BRF1: variants seen among roughly 807,000 people sequenced by gnomAD.
BRF1 encodes transcription factor IIIB 90 kDa subunit.
Under a neutral mutation model 81.7 loss-of-function variants are expected in BRF1, and 59 were observed. That is an observed-to-expected ratio of 0.72 (90% CI 0.59 to 0.90). The LOEUF is 0.90. Among genes scored for constraint, BRF1 ranks in the 40% least tolerant of loss-of-function variants. BRF1 has a pLI of 0.00. For synonymous variants in BRF1, 491 were observed against 395.6 expected, an observed-to-expected ratio of 1.24 and a Z score of -2.86; for missense variants, 1,050 against 936.3, an observed-to-expected ratio of 1.12 and a Z score of -1.58.
At chr14:105,300,302 C>T in intron 1 of BRF1, 144 bp downstream of exon 1, 2 of 935,418 alleles carry the variant, frequency 2.1e-6, no homozygotes, top group East Asian at 3.2e-5. Flanking sequence ...CAAGGGGATC[C>T]ACACTCGCGC....
In BRF1 at chr14:105,249,544, G is replaced by A. The variant is rs181120393; in HGVS notation, c.544+2963C>T. 235 of 1,597,580 alleles carry A rather than the reference G, an allele frequency of 1.5e-4. No individual in the cohort carries two copies. In the African/African-American group the frequency reaches 2.6e-3, roughly 18 times the overall value. On this transcript the variant is annotated intron_variant, in intron 5 of 17. Transcript: ENST00000547530. ...TAGGCGGCCTCCGGAGGCTTCTGAAGGGAAGCACACAGGAGCTGATGGACT... is the reference window on the plus strand; with the variant it reads ...TAGGCGGCCTCCGGAGGCTTCTGAAAGGAAGCACACAGGAGCTGATGGACT...
chr14:105,258,786 G>A (rs907853678), intron 3 of BRF1, among the ~76,000 whole-genome samples: 5 of 151,928 alleles, frequency 3.3e-5, no homozygotes, highest in East Asian at 1.9e-4. Context: ...GCAACAGAGC[G>A]AGACTCAGTC....
intron 5 of BRF1, chr14:105,248,290 A>C (rs1195717847): frequency 5.3e-5 from 52 of 985,324 alleles, no homozygotes; most frequent in Non-Finnish European, 6.1e-5. Context: ...TGGCCAAACA[A>C]GCAGGTCCAC....
chr14:105,299,761 G>A (rs2057904661), intron 1 of BRF1, among the ~76,000 whole-genome samples: 1 of 152,236 alleles, frequency 6.6e-6, no homozygotes. Flanking sequence ...AAGTGCTGGT[G>A]AAGATGTGGG....
intron 16 of BRF1, 56 bp downstream of exon 16, chr14:105,212,057 G>A (rs775707572): frequency 6.3e-7 from 1 of 1,596,222 alleles, no homozygotes; most frequent in South Asian, 1.1e-5. Context: ...CTGGGCCCAG[G>A]AAGAAGTGGG....
chr14:105,270,042 C>T (rs76863138), intron 3 of BRF1, among the ~76,000 whole-genome samples: 36,281 of 152,100 alleles, frequency 0.24, 4,634 homozygotes, highest in South Asian at 0.28. Context: ...CGGGCAGGGA[C>T]GCGGGCGTGG....
chr14:105,253,874 G>A (rs11848434), intron 4 of BRF1, among the ~76,000 whole-genome samples: 2,321 of 152,316 alleles, frequency 0.015, 57 homozygotes, highest in African/African-American at 0.053. Context: ...TCACCAAACT[G>A]GGGGGCGTGT....
At chr14:105,261,426 C>T (rs897335016) in intron 3 of BRF1, among the ~76,000 whole-genome samples, 27 of 152,172 alleles carry the variant, frequency 1.8e-4, no homozygotes, top group African/African-American at 6.3e-4. Context: ...GCTTCCCCAC[C>T]ACAGCTGTGG....
chr14:105,217,416 G>T (rs1160812976), intron 15 of BRF1, 128 bp downstream of exon 15: 17 of 1,425,590 alleles, frequency 1.2e-5, no homozygotes, highest in Non-Finnish European at 1.6e-5. Flanking sequence ...CAGCATGCAG[G>T]TGGCAAATGC....
chr14:105,298,897 G>A (rs969782184), intron 1 of BRF1, among the ~76,000 whole-genome samples: 2 of 148,898 alleles, frequency 1.3e-5, no homozygotes, highest in Non-Finnish European at 3.0e-5. Flanking sequence ...GAGGCCGTGC[G>A]CAGTGGCTCA....
intron 5 of BRF1, chr14:105,248,604 G>GC: frequency 1.0e-6 from 1 of 973,364 alleles, no homozygotes; most frequent in Non-Finnish European, 1.2e-6. Context: ...CGCCCCCCGC[G>GC]GCCGGGCCTG....
At chr14:105,296,184 G>C (rs587661472) in intron 1 of BRF1, among the ~76,000 whole-genome samples, 1 of 151,808 alleles carries the variant, frequency 6.6e-6, no homozygotes, top group Non-Finnish European at 1.5e-5. Context: ...AGGCCAAGGC[G>C]GGTGGATCGC....
In BRF1 at chr14:105,226,304, G is replaced by C. The variant is rs201531013; in HGVS notation, c.916-14C>G. The C allele has an allele frequency of 1.2e-6, 2 of 1,613,990 alleles. No individual in the cohort carries two copies. The highest frequency in any genetic ancestry group is 1.7e-6 in the Non-Finnish European group (2 of 1,179,998). On this transcript the variant is annotated splice_polypyrimidine_tract_variant and intron_variant, in intron 8 of 17. Coordinates refer to ENST00000547530, the MANE Select transcript of BRF1 (RefSeq NM_001519.4). ...GACTTGTTCAAGCTGAAAGGGAACA[G>C]GGCAAGAGGCTTCGTGAAGGGAGGC... is the stretch of plus-strand genomic sequence containing the variant.
chr14:105,211,011 G>A lies in BRF1; in HGVS notation c.1996+111C>T, dbSNP rs587768454. 2.6e-5 allele frequency: 39 copies of A among 1,496,372 alleles called. No individual in the cohort carries two copies. In the South Asian group the frequency reaches 3.9e-4, roughly 15 times the overall value. 92.7% of individuals were successfully genotyped at this position (1,496,372 alleles called of 1,614,324 possible). ...CTTAGTTCAAATTTCTTTCCAGGGAGAAACAGAAATTTAGTTTGAAGCTAA... is the reference window on the plus strand; with the variant it reads ...CTTAGTTCAAATTTCTTTCCAGGGAAAAACAGAAATTTAGTTTGAAGCTAA... On this transcript the variant is annotated intron_variant, in intron 17 of 17. Transcript: ENST00000547530.
rs751843163 is a variant in BRF1, at chr14:105,210,510, G to A, written c.*41C>T. 38 of 1,606,556 alleles carry A rather than the reference G, an allele frequency of 2.4e-5. No homozygotes were observed. In the Middle Eastern group the frequency reaches 5.0e-4, roughly 21 times the overall value. Reference sequence around the variant, plus strand: ...CCCGTCTGATGCTGAGGAGACCCGCGAGGCCCCCTGCCAGGACATCACCTG... The same window carrying A: ...CCCGTCTGATGCTGAGGAGACCCGCAAGGCCCCCTGCCAGGACATCACCTG... On this transcript the variant is annotated 3_prime_UTR_variant, in exon 18 of 18. Coordinates refer to ENST00000547530, the MANE Select transcript of BRF1 (RefSeq NM_001519.4). This position sits in a 1 kb window ranked among gnomAD's most constrained non-coding sequence, Gnocchi z 4.7.
upstream of BRF1, among the ~76,000 whole-genome samples, chr14:105,303,468 C>T (rs180801735): frequency 1.4e-4 from 22 of 152,324 alleles, no homozygotes; most frequent in East Asian, 4.2e-3. Context: ...TGGTCTTGAT[C>T]TCCTGACCTC....
At chr14:105,251,334 TCA>T (rs1216044850) in intron 5 of BRF1, among the ~76,000 whole-genome samples, 2 of 152,128 alleles carry the variant, frequency 1.3e-5, no homozygotes, top group Non-Finnish European at 2.9e-5. Context: ...CACTAGCACC[TCA>T]GAGTCCTACC....
intron 4 of BRF1, among the ~76,000 whole-genome samples, chr14:105,253,404 G>A (rs2055712892): frequency 6.6e-6 from 1 of 152,136 alleles, no homozygotes; most frequent in African/African-American, 2.4e-5. Context: ...TGCCCCTGGG[G>A]CCCCCGGGCC....
Position 105,287,645 on chromosome 14 carries a change from C to T in BRF1, c.185-1269G>A, listed in dbSNP as rs1354864230. On this transcript the variant is annotated intron_variant, in intron 1 of 17. Coordinates refer to ENST00000547530, the MANE Select transcript of BRF1 (RefSeq NM_001519.4). ...CAGGCCCTCCAGGGAAACCATGAGG[C>T]AGGGACCTCAGCGTCATCCAGGGGC... Among the ~76,000 whole-genome samples, 5 of 152,310 alleles carry T rather than the reference C, an allele frequency of 3.3e-5. No homozygotes were observed. The East Asian group carries it at 9.6e-4, about 29-fold the overall frequency.
Sources: allele counts gnomAD v4.1 joint callset (sites outside exome capture counted in the v4.1 genomes callset), GRCh38; gene constraint gnomAD v4.1.1; non-coding constraint Gnocchi (gnomAD v3.1); transcripts MANE v1.5; gene names NCBI Gene and HGNC (gene_info 2026-07-23, HGNC 2026-07-21).